ROBO1: variants seen among roughly 807,000 people sequenced by gnomAD.
ROBO1 encodes the protein roundabout guidance receptor 1.
ROBO1 carries 149 observed loss-of-function variants against 195.9 expected under a neutral mutation model. The observed-to-expected ratio is 0.76, with a 90% confidence interval of 0.67 to 0.87. The LOEUF (loss-of-function observed/expected upper bound fraction) is 0.87. ROBO1 is among the 40% of genes least tolerant of loss of function. The pLI is 0.00. For missense variants in ROBO1, 1,933 were observed against 2,068.3 expected, an observed-to-expected ratio of 0.93 and a Z score of 1.27; for synonymous variants, 816 against 733.2, an observed-to-expected ratio of 1.11 and a Z score of -1.82.
At chr3:79,168,845 A>G (rs536126350) in intron 2 of ROBO1, among the ~76,000 whole-genome samples, 1 of 152,310 alleles carries the variant, frequency 6.6e-6, no homozygotes, top group African/African-American at 2.4e-5. Context: ...TATACAAATA[A>G]TTAATTATAG....
At chr3:79,195,757 T>G (rs1274246194) in intron 2 of ROBO1, among the ~76,000 whole-genome samples, 1 of 151,480 alleles carries the variant, frequency 6.6e-6, no homozygotes, top group Non-Finnish European at 1.5e-5. Context: ...TCTTTGTTTT[T>G]TTCAGAAAAC....
At chr3:78,699,965 C>A (rs2081384565) in intron 8 of ROBO1, among the ~76,000 whole-genome samples, 2 of 152,146 alleles carry the variant, frequency 1.3e-5, no homozygotes, top group Admixed American at 1.3e-4. Context: ...ATTTTCATAG[C>A]AATCTTAACT....
At chr3:78,708,971 A>T (rs999791123) in intron 8 of ROBO1, among the ~76,000 whole-genome samples, 12 of 152,144 alleles carry the variant, frequency 7.9e-5, no homozygotes, top group Non-Finnish European at 1.5e-4. Context: ...CTTTAAAAAG[A>T]TGCTTGATTT....
chr3:79,494,108 T>C (rs959692908), intron 2 of ROBO1, among the ~76,000 whole-genome samples: 1 of 152,196 alleles, frequency 6.6e-6, no homozygotes, highest in Non-Finnish European at 1.5e-5. Flanking sequence ...CCAAGTACTA[T>C]GAGATGTGGA....
At chr3:79,386,999 G>A (rs2036774805) in intron 2 of ROBO1, among the ~76,000 whole-genome samples, 1 of 152,120 alleles carries the variant, frequency 6.6e-6, no homozygotes, top group Non-Finnish European at 1.5e-5. Context: ...TGTCATATAG[G>A]AGAAGGCATA....
At chr3:79,498,542 G>A (rs372323779) in intron 2 of ROBO1, among the ~76,000 whole-genome samples, 21 of 152,150 alleles carry the variant, frequency 1.4e-4, no homozygotes, top group Admixed American at 4.6e-4. Context: ...ATATGGTAGC[G>A]CAACTAATAG....
At chr3:79,682,782 C>A (rs2106989784) in intron 1 of ROBO1, among the ~76,000 whole-genome samples, 1 of 152,048 alleles carries the variant, frequency 6.6e-6, no homozygotes, top group Middle Eastern at 3.4e-3. Context: ...ACATTTCTTT[C>A]ATTTTTTAGG....
intron 2 of ROBO1, among the ~76,000 whole-genome samples, chr3:79,561,485 G>A (rs1392090950): frequency 1.3e-5 from 2 of 152,136 alleles, no homozygotes; most frequent in East Asian, 1.9e-4. Context: ...CGCTGTTGGA[G>A]CTGGAATTGA....
At chr3:79,129,998 C>T (rs1229666743) in intron 2 of ROBO1, among the ~76,000 whole-genome samples, 27 of 100,760 alleles carry the variant, frequency 2.7e-4, no homozygotes, top group East Asian at 5.5e-4. Context: ...TGTAGATATG[C>T]GGCATTATTT....
intron 4 of ROBO1, among the ~76,000 whole-genome samples, chr3:78,778,491 G>A (rs961552170): frequency 6.6e-6 from 1 of 152,096 alleles, no homozygotes; most frequent in Non-Finnish European, 1.5e-5. Flanking sequence ...CAAACAGAGA[G>A]CCAAATCATG....
intron 1 of ROBO1, among the ~76,000 whole-genome samples, chr3:79,766,652 C>T (rs1022669183): frequency 6.6e-6 from 1 of 152,108 alleles, no homozygotes; most frequent in African/African-American, 2.4e-5. Context: ...GCCCGCAGGG[C>T]TCGCCTGCTT....
At chr3:79,480,113 G>A (rs1938759009) in intron 2 of ROBO1, among the ~76,000 whole-genome samples, 1 of 152,154 alleles carries the variant, frequency 6.6e-6, no homozygotes, top group Admixed American at 6.5e-5. Flanking sequence ...CATAGTCAGT[G>A]TTACCTGGTT....
chr3:78,728,150 T>C (rs2082207095), intron 5 of ROBO1, among the ~76,000 whole-genome samples: 1 of 152,106 alleles, frequency 6.6e-6, no homozygotes, highest in African/African-American at 2.4e-5. Flanking sequence ...CTTACCTCCC[T>C]CTATTCCTAT....
intron 2 of ROBO1, among the ~76,000 whole-genome samples, chr3:79,278,143 C>T (rs1242255403): frequency 6.6e-6 from 1 of 151,842 alleles, no homozygotes; most frequent in African/African-American, 2.4e-5. Flanking sequence ...AACTATAAAA[C>T]ACTGATGAAA....
At chr3:79,646,695 A>G (rs1463488971) in intron 1 of ROBO1, among the ~76,000 whole-genome samples, 1 of 152,150 alleles carries the variant, frequency 6.6e-6, no homozygotes, top group Non-Finnish European at 1.5e-5. Context: ...AAGAAAATGT[A>G]GTATGTATAC....
At chr3:78,749,955 T>G (rs891074265) in intron 4 of ROBO1, among the ~76,000 whole-genome samples, 1 of 152,184 alleles carries the variant, frequency 6.6e-6, no homozygotes, top group Non-Finnish European at 1.5e-5. Flanking sequence ...TCCAAGTAGA[T>G]ATCACCTAAA....
At chr3:79,440,605 G>A (rs2039021892) in intron 2 of ROBO1, among the ~76,000 whole-genome samples, 1 of 152,030 alleles carries the variant, frequency 6.6e-6, no homozygotes, top group Non-Finnish European at 1.5e-5. Context: ...TTCCCTATGC[G>A]CACTTCTTTG....
At chr3:79,362,303 G>A (rs907152563) in intron 2 of ROBO1, among the ~76,000 whole-genome samples, 1 of 152,050 alleles carries the variant, frequency 6.6e-6, no homozygotes, top group African/African-American at 2.4e-5. Flanking sequence ...TGTGCTTAAG[G>A]TTATGAGTAA....
intron 1 of ROBO1, among the ~76,000 whole-genome samples, chr3:79,736,769 G>T: frequency 6.6e-6 from 1 of 152,088 alleles, no homozygotes; most frequent in South Asian, 2.1e-4. Flanking sequence ...AACTGTCAGG[G>T]GATTTAAAGT....
Sources: allele counts gnomAD v4.1 joint callset (sites outside exome capture counted in the v4.1 genomes callset), GRCh38; gene constraint gnomAD v4.1.1; transcripts MANE v1.5; gene names NCBI Gene and HGNC (gene_info 2026-07-23, HGNC 2026-07-21).